Variants in PLXND1 observed in about 807,000 individuals in gnomAD.
The protein encoded by PLXND1 is plexin-D1.
PLXND1 carries 54 observed loss-of-function variants against 197.7 expected under a neutral mutation model. The observed-to-expected ratio is 0.27, with a 90% confidence interval of 0.22 to 0.34. PLXND1 has a LOEUF of 0.34. Among genes scored for constraint, PLXND1 ranks in the 10% least tolerant of loss-of-function variants. The pLI is 1.00. For synonymous variants in PLXND1, 1,180 were observed against 1,161.2 expected (o/e 1.02, Z -0.33); for missense variants, 2,127 against 2,699.2 (o/e 0.79, Z 4.70).
At chr3:129,565,194 C>G (rs1031456818) in intron 25 of PLXND1, 146 bp downstream of exon 25, 7 of 670,400 alleles carry the variant, frequency 1.0e-5, no homozygotes, top group African/African-American at 1.8e-5. Context: ...ACAGGTCCTA[C>G]GGGCCTGGCC....
chr3:129,603,239 G>A (rs569979501), intron 1 of PLXND1, among the ~76,000 whole-genome samples: 110 of 152,162 alleles, frequency 7.2e-4, no homozygotes, highest in Non-Finnish European at 1.4e-3. Context: ...GAGGCCCTTC[G>A]CCACTCTGTC....
In PLXND1 at chr3:129,557,055, C is replaced by T. The variant is rs775450864; in HGVS notation, c.5586+28G>A. 1.3e-5 allele frequency: 21 copies of T among 1,611,436 alleles called. No individual in the cohort carries two copies. Among genetic ancestry groups the T allele is most frequent in the Non-Finnish European group, 1.8e-5 (21 of 1,179,586 alleles). On this transcript the variant is annotated intron_variant, in intron 34 of 35. Transcript: ENST00000324093. This position sits in a 1 kb window ranked among gnomAD's most constrained non-coding sequence, Gnocchi z 4.8. ...CCCCGATCCCTCAGCTCTTCAGGCCCCCATCCCCCGCCGCCGAGCCACCGC... is the reference window on the plus strand; with the variant it reads ...CCCCGATCCCTCAGCTCTTCAGGCCTCCATCCCCCGCCGCCGAGCCACCGC...
chr3:129,589,311 C>CGGGG, intron 2 of PLXND1, 40 bp downstream of exon 2: 1 of 448,874 alleles, frequency 2.2e-6, no homozygotes, highest in Non-Finnish European at 4.4e-6. Flanking sequence ...AGGGGAGCCT[C>CGGGG]CCACCCCCAC....
intron 24 of PLXND1, 98 bp from the exon 25 acceptor site, chr3:129,565,636 A>G (rs1290324124): frequency 8.9e-7 from 1 of 1,127,984 alleles, no homozygotes; most frequent in African/African-American, 1.5e-5. Flanking sequence ...CATCGATCCC[A>G]GGAGTGCCTG....
chr3:129,563,670 C>T (rs1270440933), intron 25 of PLXND1, among the ~76,000 whole-genome samples: 1 of 152,170 alleles, frequency 6.6e-6, no homozygotes, highest in Non-Finnish European at 1.5e-5. Flanking sequence ...CCGATGTGGC[C>T]TCGACCCCAC....
rs776746295 is a variant in PLXND1 at position 129,558,611 on chromosome 3, G to A, written c.5298-36C>T. 14 of 1,605,492 alleles carry A rather than the reference G, an allele frequency of 8.7e-6. No individual in the cohort carries two copies. Among genetic ancestry groups the A allele is most frequent in the African/African-American group, 1.3e-5 (1 of 74,926 alleles). The stretch of plus-strand genomic sequence containing the variant: ...GGGTGACAAAGACAGTGAGGGTAGG[G>A]TGGGGTAGGAAGCAGTCGAGGGACA... On this transcript the variant is annotated intron_variant, in intron 32 of 35. Transcript: ENST00000324093. This position sits in a 1 kb window ranked among gnomAD's most constrained non-coding sequence, Gnocchi z 4.1.
intron 8 of PLXND1, among the ~76,000 whole-genome samples, chr3:129,581,493 G>C (rs1340788214): frequency 1.3e-5 from 2 of 152,192 alleles, no homozygotes; most frequent in Non-Finnish European, 2.9e-5. Context: ...TCCTCTCTCT[G>C]AAATCCTCAC....
At chr3:129,581,645 AT>A (rs2085389228) in intron 8 of PLXND1, among the ~76,000 whole-genome samples, 1 of 152,180 alleles carries the variant, frequency 6.6e-6, no homozygotes, top group Non-Finnish European at 1.5e-5. Flanking sequence ...GGCAGGTCCC[AT>A]TTTATAGATG....
At chr3:129,572,553 C>A in intron 15 of PLXND1, 56 bp downstream of exon 15, 1 of 1,418,202 alleles carries the variant, frequency 7.1e-7, no homozygotes, top group East Asian at 2.5e-5. Flanking sequence ...CCCGCCAGCC[C>A]CCAAGCCCAT....
At position 129,563,119 on chromosome 3, in the gene PLXND1, C is replaced by T. The variant is rs1322387238; in HGVS notation, c.4643G>A (p.Arg1548Gln). 2.5e-6 allele frequency: 4 copies of T among 1,613,434 alleles called. No individual in the cohort carries two copies. Among genetic ancestry groups the T allele is most frequent in the East Asian group, 4.5e-5 (2 of 44,876 alleles). ...CCGGGGCTTGGCCTCGATGTTCTCC[C>T]GCAGCAGCCACTCCTCACTGAGTGT... ...RYTLSEEWLL[R>Q]ENIEAKPRNL... The change falls in exon 26 of 36, where the codon CGG becomes CAG. Residue 1548 changes from arginine (R) to glutamine (Q), a missense_variant. Physicochemically the swap from Arg to Gln is conservative, Grantham distance 43. This residue lies in a region of PLXND1 where 532 missense variants were observed against 811.0 expected (regional missense o/e 0.66). Transcript: ENST00000324093.
In PLXND1 at chr3:129,556,317, C is replaced by A. The variant is rs1344376648; in HGVS notation, c.5773G>T (p.Ala1925Ser). ...TGACCAACTCTCCATGTGTCTCAGG[C>A]CTCACTGTAGCACTCGTAGATGTTG... The part of the protein sequence containing the change: ...EDNIYECYSE[A>S] The change falls in exon 36 of 36, where the codon GCC becomes TCC. Residue 1925 changes from alanine to serine, a missense_variant. By Grantham distance (99) the Ala-to-Ser change is moderately conservative (BLOSUM62 1). Transcript: ENST00000324093. The A allele has an allele frequency of 1.2e-6, 2 of 1,603,542 alleles. No homozygotes were observed. The highest frequency in any genetic ancestry group is 1.7e-6 in the Non-Finnish European group (2 of 1,170,302).
Position 129,571,550 on chromosome 3 carries a change from T to G in PLXND1, c.3295A>C (p.Asn1099His), listed in dbSNP as rs756552931. The change falls in exon 17 of 36, where the codon AAT becomes CAT. Residue 1099 changes from asparagine to histidine, a missense_variant. By Grantham distance (68) the Asn-to-His change is moderately conservative (BLOSUM62 1). This residue lies in a region of PLXND1 where 532 missense variants were observed against 811.0 expected (regional missense o/e 0.66). Transcript: ENST00000324093. The stretch of plus-strand genomic sequence containing the variant: ...ATGTGGTGGACGGCCATGGACACAT[T>G]CTGCACCATGTGGAAACGCTCACCA... ...VAGERFHMVQ[N>H]VSMAVHHIGR... 88 of 1,613,596 alleles carry G rather than the reference T, an allele frequency of 5.5e-5. 1 individual carries two copies. In the Admixed American group the frequency reaches 1.4e-3, roughly 26 times the overall value.
chr3:129,560,761 G>T, intron 29 of PLXND1, 38 bp from the exon 30 acceptor site: 1 of 1,209,986 alleles, frequency 8.3e-7, no homozygotes, highest in Non-Finnish European at 1.2e-6. Context: ...ACACGGGAGA[G>T]GAGAGGAGAG....
rs983015018 is a variant in PLXND1, at chr3:129,606,676, T to C, written c.-37A>G. On this transcript the variant is annotated 5_prime_UTR_variant, in exon 1 of 36. It removes an upstream start codon present in the reference 5' UTR. Coordinates refer to ENST00000324093, the MANE Select transcript of PLXND1 (RefSeq NM_015103.3). ...CGGGCTGCGCGGCGCGGCGAGTGCATGGGGCGAGGCGCGGCCGGGAGCCGG... is the reference window on the plus strand; with the variant it reads ...CGGGCTGCGCGGCGCGGCGAGTGCACGGGGCGAGGCGCGGCCGGGAGCCGG... 5.9e-6 allele frequency: 5 copies of C among 846,422 alleles called. No individual in the cohort carries two copies. The African/African-American group carries it at 9.5e-5, about 16-fold the overall frequency. The allele number at this position is 846,422 out of a possible 1,614,324, so 52.4% of individuals were successfully genotyped here. A position where few individuals can be genotyped will look rare whatever the true frequency, so the allele number is the denominator to read the frequency against.
At chr3:129,568,123 T>C (rs796952806) in intron 20 of PLXND1, among the ~76,000 whole-genome samples, 6 of 152,196 alleles carry the variant, frequency 3.9e-5, no homozygotes, top group African/African-American at 1.4e-4. Context: ...TACGTGTGTG[T>C]GAAATAGTGG....
At chr3:129,605,260 T>C in intron 1 of PLXND1, 69 bp downstream of exon 1, 1 of 527,300 alleles carries the variant, frequency 1.9e-6, no homozygotes, top group South Asian at 6.7e-5. Context: ...ACCCGCTCGG[T>C]TCCCGCCCGC....
At position 129,578,446 on chromosome 3, in the gene PLXND1, CAGA is replaced by C; in HGVS notation, c.2242-16_2242-14del. 5 of 1,527,694 alleles carry C rather than the reference CAGA, an allele frequency of 3.3e-6. No homozygotes were observed. The highest frequency in any genetic ancestry group is 3.6e-6 in the Non-Finnish European group (4 of 1,118,444). 94.6% of individuals were successfully genotyped at this position (1,527,694 alleles called of 1,614,324 possible). On this transcript the variant is annotated splice_polypyrimidine_tract_variant and intron_variant, in intron 8 of 35. Coordinates refer to ENST00000324093, the MANE Select transcript of PLXND1 (RefSeq NM_015103.3). ...AGTCCTGAGGGCTCTGCAGAGGAAA[CAGA>C]AGGAGAGGGTGACACAGGGGCATTT...
chr3:129,583,505 G>T, intron 8 of PLXND1, 62 bp downstream of exon 8: 1 of 1,061,178 alleles, frequency 9.4e-7, no homozygotes, highest in Non-Finnish European at 1.4e-6. Flanking sequence ...TTCTCAACAT[G>T]TGAATTTTTT....
rs1560088031 is a variant in PLXND1, at chr3:129,605,866, G to GT, written c.773dup (p.Asn258LysfsTer174). 1 of 1,613,546 alleles carries GT rather than the reference G, an allele frequency of 6.2e-7. No homozygotes were observed. Among genetic ancestry groups the GT allele is most frequent in the Non-Finnish European group, 8.5e-7 (1 of 1,179,912 alleles). The stretch of plus-strand genomic sequence containing the variant: ...TCTTGAGGATGTTGTCGTCGGAGGG[G>GT]TTGAGGTCGAAGGTGAAGAGCTTGG... On this transcript the variant is annotated frameshift_variant, in exon 1 of 36. Transcript: ENST00000324093. LOFTEE classifies it high-confidence loss of function.
Sources: allele counts gnomAD v4.1 joint callset (sites outside exome capture counted in the v4.1 genomes callset), GRCh38; gene constraint gnomAD v4.1.1; regional missense constraint gnomAD v4.1.1; non-coding constraint Gnocchi (gnomAD v3.1); transcripts MANE v1.5; gene names NCBI Gene and HGNC (gene_info 2026-07-23, HGNC 2026-07-21).